OPCML: variants seen among roughly 807,000 people sequenced by gnomAD.
OPCML encodes opioid binding protein/cell adhesion molecule like.
In OPCML, 13 loss-of-function variants were observed where a neutral mutation model predicts 37.8. That is an observed-to-expected ratio of 0.34 (90% CI 0.22 to 0.55). The LOEUF (loss-of-function observed/expected upper bound fraction) is 0.55. Among genes scored for constraint, OPCML ranks in the 20% least tolerant of loss-of-function variants. OPCML has a pLI of 0.91. For missense variants in OPCML, 341 were observed against 435.6 expected, an observed-to-expected ratio of 0.78 and a Z score of 1.93; for synonymous variants, 176 against 168.8, an observed-to-expected ratio of 1.04 and a Z score of -0.33.
At chr11:132,845,761 CTCTG>C (rs1422855967) in intron 2 of OPCML, among the ~76,000 whole-genome samples, 2 of 152,192 alleles carry the variant, frequency 1.3e-5, no homozygotes, top group Admixed American at 6.5e-5. Flanking sequence ...AGCTTACTCT[CTCTG>C]TCTTTCACTC....
At chr11:132,556,263 G>A (rs546007302) in intron 3 of OPCML, among the ~76,000 whole-genome samples, 1 of 152,136 alleles carries the variant, frequency 6.6e-6, no homozygotes, top group African/African-American at 2.4e-5. Flanking sequence ...GTTCTTTATA[G>A]TAAGGGAACC....
At chr11:133,131,085 T>C (rs1949596691) in intron 1 of OPCML, among the ~76,000 whole-genome samples, 2 of 152,056 alleles carry the variant, frequency 1.3e-5, no homozygotes, top group Admixed American at 6.6e-5. Context: ...CAAGGGACCC[T>C]AGAGAGGGCT....
chr11:132,820,493 A>G (rs758417360), intron 2 of OPCML, among the ~76,000 whole-genome samples: 2,476 of 152,152 alleles, frequency 0.016, 27 homozygotes, highest in Middle Eastern at 0.031. Context: ...ACACATATAT[A>G]TGTGGTGTGT....
intron 3 of OPCML, among the ~76,000 whole-genome samples, chr11:132,651,477 G>C (rs1941424822): frequency 6.6e-6 from 1 of 152,206 alleles, no homozygotes; most frequent in African/African-American, 2.4e-5. Context: ...AGTAAGTCTA[G>C]TGAAGGGGAT....
intron 3 of OPCML, among the ~76,000 whole-genome samples, chr11:132,647,473 C>A (rs571749722): frequency 2.0e-5 from 3 of 152,222 alleles, no homozygotes; most frequent in African/African-American, 7.2e-5. Flanking sequence ...TAATGTTGAC[C>A]AGAAGCCTTA....
intron 4 of OPCML, among the ~76,000 whole-genome samples, chr11:132,446,227 C>G (rs534977130): frequency 7.0e-6 from 1 of 142,000 alleles, no homozygotes; most frequent in East Asian, 2.2e-4. Context: ...GAGTGAGTGT[C>G]ACAGAAACAG....
At chr11:132,522,587 T>A (rs2096296583) in intron 4 of OPCML, among the ~76,000 whole-genome samples, 1 of 152,240 alleles carries the variant, frequency 6.6e-6, no homozygotes, top group Non-Finnish European at 1.5e-5. Context: ...TTCAACACTA[T>A]TACCTGCTTT....
At chr11:132,637,787 C>T (rs191989584) in intron 3 of OPCML, among the ~76,000 whole-genome samples, 231 of 152,214 alleles carry the variant, frequency 1.5e-3, no homozygotes, top group African/African-American at 5.3e-3. Context: ...CCATATGGAA[C>T]TTTCTTGTGT....
intron 1 of OPCML, among the ~76,000 whole-genome samples, chr11:133,156,128 T>C (rs996857648): frequency 6.6e-6 from 1 of 152,212 alleles, no homozygotes; most frequent in Non-Finnish European, 1.5e-5. Context: ...TTTAAAGTCA[T>C]CCTTTGATCT....
intron 2 of OPCML, among the ~76,000 whole-genome samples, chr11:132,896,016 G>T (rs1943826950): frequency 6.6e-6 from 1 of 152,078 alleles, no homozygotes; most frequent in Non-Finnish European, 1.5e-5. Flanking sequence ...ATATAAAGTT[G>T]GATCAGGCCA....
intron 2 of OPCML, among the ~76,000 whole-genome samples, chr11:132,686,634 A>C (rs1227515694): frequency 6.6e-6 from 1 of 152,212 alleles, no homozygotes; most frequent in East Asian, 1.9e-4. Flanking sequence ...TTTACTGCTC[A>C]AAACACTTCT....
intron 2 of OPCML, among the ~76,000 whole-genome samples, chr11:132,668,902 T>C (rs1004649548): frequency 6.6e-6 from 1 of 152,164 alleles, no homozygotes; most frequent in Non-Finnish European, 1.5e-5. Context: ...CTACGTAGAA[T>C]TCTGCAGTGG....
At chr11:132,670,769 T>G (rs575419593) in intron 2 of OPCML, among the ~76,000 whole-genome samples, 2 of 152,176 alleles carry the variant, frequency 1.3e-5, no homozygotes, top group Admixed American at 6.5e-5. Context: ...TTCTGGAGCA[T>G]AGTGAATAGT....
At chr11:133,358,400 C>T (rs937871859) in intron 1 of OPCML, among the ~76,000 whole-genome samples, 4 of 152,202 alleles carry the variant, frequency 2.6e-5, no homozygotes, top group African/African-American at 9.7e-5. Flanking sequence ...CCATGATCTT[C>T]ACCCCAACTA....
At chr11:132,608,957 G>C (rs1938470680) in intron 3 of OPCML, among the ~76,000 whole-genome samples, 1 of 151,762 alleles carries the variant, frequency 6.6e-6, no homozygotes, top group South Asian at 2.1e-4. Context: ...TTTGGCCTTG[G>C]TCCAAGCCCT....
chr11:132,796,914 T>C (rs1565870866), intron 2 of OPCML, among the ~76,000 whole-genome samples: 1 of 152,208 alleles, frequency 6.6e-6, no homozygotes, highest in Non-Finnish European at 1.5e-5. Flanking sequence ...TGTACATCTT[T>C]GGACAAATAT....
chr11:133,341,853 G>A (rs1943876680), intron 1 of OPCML, among the ~76,000 whole-genome samples: 1 of 152,228 alleles, frequency 6.6e-6, no homozygotes, highest in East Asian at 1.9e-4. Flanking sequence ...GGGAGGTGGA[G>A]GTTGCAGTGA....
At chr11:132,849,943 G>A (rs1367443260) in intron 2 of OPCML, among the ~76,000 whole-genome samples, 1 of 152,150 alleles carries the variant, frequency 6.6e-6, no homozygotes, top group African/African-American at 2.4e-5. Flanking sequence ...GTGTCCACTC[G>A]AGCAGATGAC....
chr11:133,057,751 C>A (rs1948267232), intron 1 of OPCML, among the ~76,000 whole-genome samples: 2 of 152,148 alleles, frequency 1.3e-5, no homozygotes, highest in Non-Finnish European at 2.9e-5. Context: ...CATTGCACAT[C>A]CTTCTGTTCA....
Sources: gnomAD v4.1 joint callset for allele counts (sites outside exome capture counted in the v4.1 genomes callset) on GRCh38, gnomAD v4.1.1 for gene constraint, MANE v1.5 for transcripts, NCBI Gene and HGNC (gene_info 2026-07-23, HGNC 2026-07-21) for gene names.